THEMIS: variants seen among roughly 807,000 people sequenced by gnomAD.
THEMIS encodes the protein protein THEMIS.
A neutral mutation model predicts 52.6 loss-of-function variants in THEMIS; 37 were observed. The observed-to-expected ratio is 0.70, with a 90% CI of 0.54 to 0.93. The LOEUF is 0.93. Among genes scored for constraint, THEMIS ranks in the 40% least tolerant of loss-of-function variants. THEMIS has a pLI of 0.00. For missense variants in THEMIS, 808 were observed against 763.1 expected (o/e 1.06, Z -0.69); for synonymous variants, 292 against 272.7 (o/e 1.07, Z -0.70).
At chr6:127,806,823 C>T (rs999992293) in intron 4 of THEMIS, among the ~76,000 whole-genome samples, 3 of 152,172 alleles carry the variant, frequency 2.0e-5, no homozygotes, top group African/African-American at 4.8e-5. Context: ...GTAAATATTC[C>T]GTATGTGCCA....
At position 127,852,721 on chromosome 6, in the gene THEMIS, T is replaced by C. The variant is rs193125724; in HGVS notation, c.250+2309A>G. 2.6e-5 allele frequency among the ~76,000 whole-genome samples: 4 copies of C among 151,710 alleles called. No individual in the cohort carries two copies. In the East Asian group the frequency reaches 7.8e-4, roughly 29 times the overall value. ...AATTTTTGAATAACATTAGTATCTT[T>C]GATTTCTATCTTTCTCCTTAGTGCT... On this transcript the variant is annotated intron_variant, in intron 2 of 5. Transcript: ENST00000368248.
intron 1 of THEMIS, among the ~76,000 whole-genome samples, chr6:127,896,766 T>G (rs1396991306): frequency 1.3e-5 from 2 of 151,580 alleles, no homozygotes; most frequent in Admixed American, 1.3e-4. Flanking sequence ...ATGCCTTACC[T>G]TTTACATAAT....
chr6:127,714,850 C>A (rs774612310), intron 5 of THEMIS, among the ~76,000 whole-genome samples: 1 of 151,846 alleles, frequency 6.6e-6, no homozygotes, highest in Non-Finnish European at 1.5e-5. Flanking sequence ...AACTGTTTTT[C>A]CCTCTCAATA....
At position 127,900,934 on chromosome 6, in the gene THEMIS, G is replaced by A; in HGVS notation, c.-2C>T. ...GAATTCTTCCAGTGATAATGCCATT[G>A]CTATGCCTTGGGTAGTTTGTAGACC... On this transcript the variant is annotated 5_prime_UTR_variant, in exon 1 of 6. Transcript: ENST00000368248. The A allele has an allele frequency of 1.2e-6, 2 of 1,612,266 alleles. No homozygotes were observed. Among genetic ancestry groups the A allele is most frequent in the Non-Finnish European group, 1.7e-6 (2 of 1,178,640 alleles).
chr6:127,724,784 T>C (rs955063929), intron 4 of THEMIS, among the ~76,000 whole-genome samples: 2 of 151,970 alleles, frequency 1.3e-5, no homozygotes, highest in African/African-American at 4.8e-5. Flanking sequence ...TGAATATTTG[T>C]CTCACAAACA....
At chr6:127,876,237 C>A (rs1780310031) in intron 1 of THEMIS, among the ~76,000 whole-genome samples, 1 of 152,088 alleles carries the variant, frequency 6.6e-6, no homozygotes, top group African/African-American at 2.4e-5. Flanking sequence ...ATGACAGCTG[C>A]AAATATCAAA....
Position 127,779,962 on chromosome 6 carries a change from T to C in THEMIS, c.1758+32921A>G, listed in dbSNP as rs1199199018. On this transcript the variant is annotated intron_variant, in intron 4 of 5. Coordinates refer to ENST00000368248, the MANE Select transcript of THEMIS (RefSeq NM_001010923.3). ...CTCCCCTGCATATCCTTGTTAATTT[T>C]CTGTCTTGTTGATCTGTCTAATATG... Among the ~76,000 whole-genome samples, 3 of 152,346 alleles carry C rather than the reference T, an allele frequency of 2.0e-5. No homozygotes were observed. In the East Asian group the frequency reaches 5.8e-4, roughly 29 times the overall value.
Position 127,914,282 on chromosome 6 carries a change from G to A in THEMIS, c.-150+4146C>T, listed in dbSNP as rs891525635. 1.1e-4 allele frequency among the ~76,000 whole-genome samples: 16 copies of A among 152,206 alleles called. 1 individual carries two copies. Among genetic ancestry groups the A allele is most frequent in the East Asian group, 3.9e-4 (2 of 5,184 alleles). ...TTTGCAGATCAGAAATGCTCAACCT[G>A]TATTGCTCTCCTGGAAACGCATGTC... On this transcript the variant is annotated intron_variant, in intron 1 of 6. Transcript: ENST00000368250.
intron 2 of THEMIS, among the ~76,000 whole-genome samples, chr6:127,846,181 C>A (rs958832660): frequency 2.0e-5 from 3 of 150,118 alleles, no homozygotes; most frequent in Non-Finnish European, 4.4e-5. Context: ...GCAGACTTTA[C>A]AGATTTAGTT....
At chr6:127,837,673 ATAAAAT>A (rs2114685308) in intron 2 of THEMIS, among the ~76,000 whole-genome samples, 1 of 152,138 alleles carries the variant, frequency 6.6e-6, no homozygotes, top group Non-Finnish European at 1.5e-5. Flanking sequence ...CAAATTTAAA[ATAAAAT>A]TAAAATCACT....
At chr6:127,725,089 C>T (rs1323810690) in intron 4 of THEMIS, among the ~76,000 whole-genome samples, 1 of 152,120 alleles carries the variant, frequency 6.6e-6, no homozygotes, top group Admixed American at 6.6e-5. Context: ...AGATAATGTA[C>T]TTTACTTTTT....
At chr6:127,784,183 C>T (rs1437005297) in intron 4 of THEMIS, among the ~76,000 whole-genome samples, 3 of 152,038 alleles carry the variant, frequency 2.0e-5, no homozygotes, top group African/African-American at 7.3e-5. Context: ...GGGAGTTGAA[C>T]AATGAGAACA....
chr6:127,811,264 T>C (rs1427485415), intron 4 of THEMIS, among the ~76,000 whole-genome samples: 1 of 152,186 alleles, frequency 6.6e-6, no homozygotes, highest in Non-Finnish European at 1.5e-5. Context: ...TATAGGTTAG[T>C]AGCTGACGTG....
intron 4 of THEMIS, among the ~76,000 whole-genome samples, chr6:127,793,652 T>C (rs893002902): frequency 2.6e-5 from 4 of 152,154 alleles, no homozygotes; most frequent in African/African-American, 9.7e-5. Context: ...GTCTTTAAAA[T>C]TTTTCAGCTA....
At chr6:127,912,816 T>C (rs1781441081) in intron 1 of THEMIS, among the ~76,000 whole-genome samples, 1 of 152,228 alleles carries the variant, frequency 6.6e-6, no homozygotes, top group Non-Finnish European at 1.5e-5. Context: ...ACAAATTTTG[T>C]ATACCTGTTT....
chr6:127,703,035 G>GTTTTTTTTTTTTTT, the THEMIS span, among the ~76,000 whole-genome samples: 14 of 82,386 alleles, frequency 1.7e-4, 1 homozygote, highest in South Asian at 4.6e-4. Flanking sequence ...TTTAGAATGA[G>GTTTTTTTTTTTTTT]TTTTTTTTTT....
At chr6:127,736,324 CACAG>C (rs1051576243) in intron 4 of THEMIS, among the ~76,000 whole-genome samples, 53 of 152,184 alleles carry the variant, frequency 3.5e-4, no homozygotes, top group Admixed American at 1.8e-3. Context: ...CTCTCACACA[CACAG>C]ACAAACACAA....
intron 3 of THEMIS, among the ~76,000 whole-genome samples, chr6:127,825,365 G>A (rs1393626297): frequency 6.6e-6 from 1 of 152,124 alleles, no homozygotes; most frequent in Non-Finnish European, 1.5e-5. Flanking sequence ...AGAATACCAC[G>A]TATAATCTCT....
At chr6:127,917,041 T>G (rs1209693656) in intron 1 of THEMIS, among the ~76,000 whole-genome samples, 1 of 152,214 alleles carries the variant, frequency 6.6e-6, no homozygotes, top group African/African-American at 2.4e-5. Context: ...GATGTTAAAA[T>G]TTAGTCTATA....
Sources: allele counts gnomAD v4.1 joint callset (sites outside exome capture counted in the v4.1 genomes callset), GRCh38; gene constraint gnomAD v4.1.1; transcripts MANE v1.5; gene names NCBI Gene and HGNC (gene_info 2026-07-23, HGNC 2026-07-21).